LSM6: variants seen among roughly 807,000 people sequenced by gnomAD.
LSM6 encodes U6 snRNA-associated Sm-like protein LSm6.
Under a neutral mutation model 13.5 loss-of-function variants are expected in LSM6, and 2 were observed. That is an observed-to-expected ratio of 0.15 (90% CI 0.06 to 0.47). The LOEUF (loss-of-function observed/expected upper bound fraction) is 0.47. LSM6 is among the 20% of genes least tolerant of loss of function. The pLI, the probability that LSM6 is intolerant of heterozygous loss-of-function variation, is 0.97. For missense variants in LSM6, 58 were observed against 96.4 expected, an observed-to-expected ratio of 0.60 and a Z score of 1.67; for synonymous variants, 43 against 34.9, an observed-to-expected ratio of 1.23 and a Z score of -0.82.
intron 1 of LSM6, among the ~76,000 whole-genome samples, chr4:146,178,184 T>C (rs1304169790): frequency 1.3e-5 from 2 of 152,214 alleles, no homozygotes; most frequent in Non-Finnish European, 2.9e-5. Context: ...TGAATGTCTC[T>C]TCCACAGACT....
chr4:146,178,460 C>T (rs1045252802), intron 1 of LSM6, among the ~76,000 whole-genome samples: 4 of 152,258 alleles, frequency 2.6e-5, no homozygotes, highest in South Asian at 2.1e-4. Context: ...CCACTGTGTC[C>T]GAAGGGAGGA....
At chr4:146,177,254 C>T (rs1730132619) in intron 1 of LSM6, among the ~76,000 whole-genome samples, 1 of 152,192 alleles carries the variant, frequency 6.6e-6, no homozygotes, top group Non-Finnish European at 1.5e-5. Flanking sequence ...GTACTCTGTG[C>T]TGTATCAGGC....
intron 1 of LSM6, 25 bp from the exon 2 acceptor site, chr4:146,182,887 T>C (rs1730261394): frequency 1.5e-6 from 2 of 1,362,974 alleles, no homozygotes; most frequent in Admixed American, 1.7e-5. Flanking sequence ...TACCTTTTAT[T>C]GTTCCTTTTC....
chr4:146,179,073 C>T (rs570639113), intron 1 of LSM6, among the ~76,000 whole-genome samples: 2 of 152,264 alleles, frequency 1.3e-5, no homozygotes, highest in Admixed American at 6.5e-5. Context: ...CATACTAGAC[C>T]TCTCAGTAGC....
At position 146,178,813 on chromosome 4, in the gene LSM6, C is replaced by T. The variant is rs939515379; in HGVS notation, c.-11+3002C>T. Among the ~76,000 whole-genome samples the T allele has an allele frequency of 7.2e-5, 11 of 152,058 alleles. No homozygotes were observed. The East Asian group carries it at 7.7e-4, about 11-fold the overall frequency. ...GCTACTCTCCAACTGGATTTCTCAC[C>T]GCCTCTATTGCGATTCCCCAAGATT... On this transcript the variant is annotated intron_variant, in intron 1 of 3. Transcript: ENST00000296581.
At chr4:146,187,146 G>T in intron 2 of LSM6, 128 bp from the exon 3 acceptor site, 3 of 584,748 alleles carry the variant, frequency 5.1e-6, no homozygotes, top group Non-Finnish European at 9.3e-6. Flanking sequence ...TTTCATTTAT[G>T]GTGTGAATTT....
intron 2 of LSM6, among the ~76,000 whole-genome samples, chr4:146,186,979 TCTTA>T (rs1353405080): frequency 6.6e-6 from 1 of 152,240 alleles, no homozygotes; most frequent in African/African-American, 2.4e-5. Context: ...AGTCTTATTC[TCTTA>T]CTTTTTTGAA....
chr4:146,190,747 A>G lies in LSM6; in HGVS notation c.*1091A>G, dbSNP rs1730452647. 6.6e-6 allele frequency: 1 copy of G among 152,250 alleles called. No individual in the cohort carries two copies. Among genetic ancestry groups the G allele is most frequent in the African/African-American group, 2.4e-5 (1 of 41,464 alleles). The allele number at this position is 152,250 out of a possible 1,614,324, so 9.4% of individuals were successfully genotyped here. ...TTTTACGCTGTCTCTAGGAACAACAAATATATCTGGGCACTGTGGTTGAAT... is the reference window on the plus strand; with the variant it reads ...TTTTACGCTGTCTCTAGGAACAACAGATATATCTGGGCACTGTGGTTGAAT... On this transcript the variant is annotated 3_prime_UTR_variant, in exon 4 of 4. Transcript: ENST00000296581.
chr4:146,186,776 G>A (rs1013066151), intron 2 of LSM6, among the ~76,000 whole-genome samples: 1 of 152,162 alleles, frequency 6.6e-6, no homozygotes, highest in African/African-American at 2.4e-5. Context: ...AACAGATTGT[G>A]GAGACTTCCT....
intron 3 of LSM6, among the ~76,000 whole-genome samples, chr4:146,188,508 C>T (rs1283501692): frequency 1.3e-5 from 2 of 152,200 alleles, no homozygotes; most frequent in African/African-American, 4.8e-5. Context: ...CCCAAGTTCA[C>T]ATCATTGGCT....
At chr4:146,188,132 T>G (rs922809471) in intron 3 of LSM6, among the ~76,000 whole-genome samples, 4 of 152,198 alleles carry the variant, frequency 2.6e-5, no homozygotes, top group African/African-American at 9.6e-5. Context: ...CTTCCTGACT[T>G]TTATAATAAG....
Position 146,190,777 on chromosome 4 carries a change from A to G in LSM6, c.*1121A>G, listed in dbSNP as rs767475465. 1 of 152,246 alleles carries G rather than the reference A, an allele frequency of 6.6e-6. No homozygotes were observed. Among genetic ancestry groups the G allele is most frequent in the Non-Finnish European group, 1.5e-5 (1 of 68,056 alleles). The allele number at this position is 152,246 out of a possible 1,614,324, so 9.4% of individuals were successfully genotyped here. A position where few individuals can be genotyped will look rare whatever the true frequency, so the allele number is the denominator to read the frequency against. On this transcript the variant is annotated 3_prime_UTR_variant, in exon 4 of 4. Coordinates refer to ENST00000296581, the MANE Select transcript of LSM6 (RefSeq NM_007080.3). ...ATCTGGGCACTGTGGTTGAATGAAT[A>G]CCAGACAATTGTGTGAATGTTGTAT...
At position 146,191,333 on chromosome 4, in the gene LSM6, A is replaced by T. The variant is rs1264159126; in HGVS notation, c.*1677A>T. The T allele has an allele frequency of 6.6e-6, 1 of 152,192 alleles. No individual in the cohort carries two copies. The highest frequency in any genetic ancestry group is 1.5e-5 in the Non-Finnish European group (1 of 68,020). The allele number at this position is 152,192 out of a possible 1,614,324, so 9.4% of individuals were successfully genotyped here. A position where few individuals can be genotyped will look rare whatever the true frequency, so the allele number is the denominator to read the frequency against. ...AGCAATTCCATTGTAGTCTCCCACT[A>T]ATCTGTAGCGTCCTGTTTTTTCTAA... On this transcript the variant is annotated 3_prime_UTR_variant, in exon 4 of 4. Transcript: ENST00000296581.
At chr4:146,181,942 C>G (rs1730241981) in intron 1 of LSM6, among the ~76,000 whole-genome samples, 1 of 152,142 alleles carries the variant, frequency 6.6e-6, no homozygotes, top group Non-Finnish European at 1.5e-5. Flanking sequence ...AATGCTATCT[C>G]TTTTTCTGTG....
intron 3 of LSM6, 81 bp downstream of exon 3, chr4:146,187,468 A>G: frequency 1.2e-6 from 1 of 828,850 alleles, no homozygotes; most frequent in Admixed American, 2.5e-5. Flanking sequence ...AGGTTTCTAG[A>G]TAATTTAAAA....
At chr4:146,182,829 G>A (rs554453233) in intron 1 of LSM6, 83 bp from the exon 2 acceptor site, 11 of 789,146 alleles carry the variant, frequency 1.4e-5, no homozygotes, top group Non-Finnish European at 2.5e-5. Context: ...TTTTCTGTAA[G>A]TATGTTAAGG....
chr4:146,190,079 A>G lies in LSM6; in HGVS notation c.*423A>G, dbSNP rs1241243805. On this transcript the variant is annotated 3_prime_UTR_variant, in exon 4 of 4. Transcript: ENST00000296581. Reference sequence around the variant, plus strand: ...TTATTGCATCCTTTTCTGTTCATACAGAATCCTTGCGTGAATATGTTCTAC... The same window carrying G: ...TTATTGCATCCTTTTCTGTTCATACGGAATCCTTGCGTGAATATGTTCTAC... 1.3e-5 allele frequency: 2 copies of G among 157,788 alleles called. No homozygotes were observed. Among genetic ancestry groups the G allele is most frequent in the African/African-American group, 4.8e-5 (2 of 41,552 alleles). 9.8% of individuals were successfully genotyped at this position (157,788 alleles called of 1,614,324 possible).
chr4:146,189,562 C>G (rs558042875), intron 3 of LSM6, 60 bp from the exon 4 acceptor site: 1 of 1,069,970 alleles, frequency 9.3e-7, no homozygotes, highest in East Asian at 2.5e-5. Context: ...AAACTTGCTA[C>G]TATGTATACT....
chr4:146,184,927 A>G (rs17814065), intron 2 of LSM6, among the ~76,000 whole-genome samples: 1 of 152,056 alleles, frequency 6.6e-6, no homozygotes. Context: ...AGTCAACTAC[A>G]TGCAACCTGA....
Sources: gnomAD v4.1 joint callset for allele counts (sites outside exome capture counted in the v4.1 genomes callset) on GRCh38, gnomAD v4.1.1 for gene constraint, MANE v1.5 for transcripts, NCBI Gene and HGNC (gene_info 2026-07-23, HGNC 2026-07-21) for gene names.